SIRPB2: variants seen among roughly 807,000 people sequenced by gnomAD.
SIRPB2 encodes signal-regulatory protein beta-2.
A neutral mutation model predicts 27.1 loss-of-function variants in SIRPB2; 18 were observed. That is an observed-to-expected ratio of 0.66 (90% CI 0.46 to 0.98). The LOEUF (loss-of-function observed/expected upper bound fraction) is 0.98, where lower values mean the gene tolerates loss of function less well. Among genes scored for constraint, SIRPB2 ranks in the 50% least tolerant of loss-of-function variants. The probability of loss-of-function intolerance (pLI) is 0.00; values close to 1 mark genes in which losing one functional copy is unlikely to be tolerated. For missense variants in SIRPB2, 420 were observed against 417.4 expected, an observed-to-expected ratio of 1.01 and a Z score of -0.06; for synonymous variants, 150 against 164.6, an observed-to-expected ratio of 0.91 and a Z score of 0.68.
At chr20:1,478,650 TC>T (rs1289752262) in intron 2 of SIRPB2, 43 bp from the exon 3 acceptor site, 1 of 1,466,180 alleles carries the variant, frequency 6.8e-7, no homozygotes, top group Non-Finnish European at 9.2e-7. Context: ...CCTCTCCTCT[TC>T]CATCGTTCAC....
At chr20:1,471,491 A>T (rs1385676177), downstream of SIRPB2, among the ~76,000 whole-genome samples, 2 of 152,238 alleles carry the variant, frequency 1.3e-5, no homozygotes, top group African/African-American at 2.4e-5. Context: ...TATAACTCAA[A>T]TGTTGAGTCA....
downstream of SIRPB2, among the ~76,000 whole-genome samples, chr20:1,471,582 C>T (rs2090581282): frequency 6.6e-6 from 1 of 152,194 alleles, no homozygotes; most frequent in Non-Finnish European, 1.5e-5. Flanking sequence ...ATGTGCTTGA[C>T]TAGGCCTGGC....
chr20:1,491,401 T>C lies in SIRPB2; in HGVS notation c.-42A>G. On this transcript the variant is annotated 5_prime_UTR_variant, in exon 1 of 5. Coordinates refer to ENST00000359801, the MANE Select transcript of SIRPB2 (RefSeq NM_001122962.2). ...CCCAAGACTTGGGGCTCCTCTGCTC[T>C]CTTGTGAGTGTTGGAGTCTGAGGCG... 1 of 1,566,044 alleles carries C rather than the reference T, an allele frequency of 6.4e-7. No individual in the cohort carries two copies. The highest frequency in any genetic ancestry group is 2.4e-5 in the East Asian group (1 of 42,460).
chr20:1,491,265 C>T lies in SIRPB2; in HGVS notation c.85+10G>A, dbSNP rs201303924. ...GGGGTGGACCCTGTTCTATCCTAGA[C>T]CCCACTTACCTGAGGGGACAAGGAC... On this transcript the variant is annotated intron_variant, in intron 1 of 4. Coordinates refer to ENST00000359801, the MANE Select transcript of SIRPB2 (RefSeq NM_001122962.2). The T allele has an allele frequency of 1.2e-6, 2 of 1,608,326 alleles. No individual in the cohort carries two copies. The highest frequency in any genetic ancestry group is 4.5e-5 in the East Asian group (2 of 44,544).
Position 1,491,340 on chromosome 20 carries a change from G to A in SIRPB2, c.20C>T (p.Ala7Val). 1 of 1,610,128 alleles carries A rather than the reference G, an allele frequency of 6.2e-7. No homozygotes were observed. Among genetic ancestry groups the A allele is most frequent in the Non-Finnish European group, 8.5e-7 (1 of 1,178,624 alleles). ...AGGCAAGTGGGCCAGGCAGGTGGGGGCCGACATCGTGGAGCACATGGCATC... is the reference window on the plus strand; with the variant it reads ...AGGCAAGTGGGCCAGGCAGGTGGGGACCGACATCGTGGAGCACATGGCATC... Reference protein sequence around the residue: MCSTMSAPTCLAHLPPC... With the variant: MCSTMSVPTCLAHLPPC... Residue 7 changes from alanine to valine, a missense_variant, in exon 1 of 5, where the codon GCC (alanine) becomes GTC (valine). Ala to Val is a moderately conservative substitution (Grantham distance 64). Transcript: ENST00000359801.
downstream of SIRPB2, among the ~76,000 whole-genome samples, chr20:1,474,070 T>C (rs1286194277): frequency 6.6e-6 from 1 of 152,134 alleles, no homozygotes; most frequent in African/African-American, 2.4e-5. Context: ...TGTGGTCACA[T>C]TGCTTTCTCT....
chr20:1,490,043 A>G (rs1271749342), intron 1 of SIRPB2, among the ~76,000 whole-genome samples: 1 of 152,166 alleles, frequency 6.6e-6, no homozygotes, highest in Non-Finnish European at 1.5e-5. Flanking sequence ...GGTTTAAGCA[A>G]CTTCTCTTAT....
chr20:1,478,018 A>C lies in SIRPB2; in HGVS notation c.793+248T>G, dbSNP rs1036626478. 4 of 636,840 alleles carry C rather than the reference A, an allele frequency of 6.3e-6. No individual in the cohort carries two copies. The African/African-American group carries it at 7.2e-5, about 11-fold the overall frequency. The allele number at this position is 636,840 out of a possible 1,614,324, so 39.4% of individuals were successfully genotyped here. A position where few individuals can be genotyped will look rare whatever the true frequency, so the allele number is the denominator to read the frequency against. ...ATGATCTATACAGAGTTCTGTGGAA[A>C]CCAGAATGGGGAGAAATTAACTCTG... On this transcript the variant is annotated intron_variant, in intron 3 of 4. Coordinates refer to ENST00000359801, the MANE Select transcript of SIRPB2 (RefSeq NM_001122962.2).
At chr20:1,477,444 T>C (rs1205999389) in intron 3 of SIRPB2, 41 bp from the exon 4 acceptor site, 2 of 1,578,126 alleles carry the variant, frequency 1.3e-6, no homozygotes, top group African/African-American at 1.4e-5. Context: ...CCTTTATCTT[T>C]ATCTCCCACC....
chr20:1,488,949 C>G (rs2090752602), intron 1 of SIRPB2, among the ~76,000 whole-genome samples: 2 of 152,100 alleles, frequency 1.3e-5, no homozygotes. Context: ...TATAATAGCC[C>G]TAAACTGCAA....
chr20:1,478,582 C>A lies in SIRPB2; in HGVS notation c.477G>T (p.Leu159=). Residue 159 remains leucine (L), a synonymous_variant, in exon 3 of 5, where the codon CTG becomes CTT. Transcript: ENST00000359801. ...VKGAGDPEPD[L]WIIQPQELVL... ...CCAATTCCTGGGGCTGGATGATCCA[C>A]AGGTCTGGTTCAGGGTCCCCAGCTC... 6.3e-7 allele frequency: 1 copy of A among 1,597,412 alleles called. No homozygotes were observed. The highest frequency in any genetic ancestry group is 8.6e-7 in the Non-Finnish European group (1 of 1,168,280).
In SIRPB2 at chr20:1,475,781, T is replaced by TATCATGCAAAAA; in HGVS notation, c.*385_*386insTTTTTGCATGAT. The TATCATGCAAAAA allele has an allele frequency of 7.3e-6, 1 of 137,440 alleles. No individual in the cohort carries two copies. The highest frequency in any genetic ancestry group is 1.8e-4 in the South Asian group (1 of 5,616). 8.5% of individuals were successfully genotyped at this position (137,440 alleles called of 1,614,324 possible). A position where few individuals can be genotyped will look rare whatever the true frequency, so the allele number is the denominator to read the frequency against. ...GAGGGGCACAGATGGTCTGGCTGGT[T>TATCATGCAAAAA]GAGTTCAGAGATTCTTACAGACATC... On this transcript the variant is annotated 3_prime_UTR_variant, in exon 5 of 5. Coordinates refer to ENST00000359801, the MANE Select transcript of SIRPB2 (RefSeq NM_001122962.2).
intron 4 of SIRPB2, chr20:1,476,687 C>T: frequency 9.5e-7 from 1 of 1,049,124 alleles, no homozygotes; most frequent in Non-Finnish European, 1.2e-6. Flanking sequence ...TTCTCAGGGC[C>T]ACATGTGTTA....
chr20:1,488,844 A>AT (rs2090751823), intron 1 of SIRPB2, among the ~76,000 whole-genome samples: 1 of 152,232 alleles, frequency 6.6e-6, no homozygotes, highest in Admixed American at 6.5e-5. Flanking sequence ...TATGGCAACC[A>AT]TATGATCCAT....
At position 1,479,764 on chromosome 20, in the gene SIRPB2, C is replaced by G. The variant is rs1021635661; in HGVS notation, c.387G>C (p.Arg129Ser). The G allele has an allele frequency of 6.2e-6, 10 of 1,614,118 alleles. No homozygotes were observed. The highest frequency in any genetic ancestry group is 8.5e-6 in the Non-Finnish European group (10 of 1,180,040). ...CTGAGTGTTCACTCAAACCATCAAA[C>G]CTCACACAGTGGTAGGTTCCAGTGT... The part of the protein sequence containing the change: ...REHTGTYHCV[R>S]FDGLSEHSEM... Residue 129 changes from arginine to serine, a missense_variant, in exon 2 of 5, where the codon AGG becomes AGC. Coordinates refer to ENST00000359801, the MANE Select transcript of SIRPB2 (RefSeq NM_001122962.2).
downstream of SIRPB2, chr20:1,472,913 C>A (rs770968591): frequency 4.6e-5 from 7 of 152,238 alleles, no homozygotes; most frequent in Non-Finnish European, 7.3e-5. Flanking sequence ...GTTCCTTGTA[C>A]TTTTCAGCTC....
At position 1,475,939 on chromosome 20, in the gene SIRPB2, A is replaced by G; in HGVS notation, c.*228T>C. The stretch of plus-strand genomic sequence containing the variant: ...TGAGGAGAGACTGAGCCAGGGACTG[A>G]AAAGCAAGGAGGTCTTGAACAGGCC... On this transcript the variant is annotated 3_prime_UTR_variant, in exon 5 of 5. Transcript: ENST00000359801. 1 of 495,236 alleles carries G rather than the reference A, an allele frequency of 2.0e-6. No homozygotes were observed. The highest frequency in any genetic ancestry group is 3.8e-5 in the Admixed American group (1 of 26,344). The allele number at this position is 495,236 out of a possible 1,614,324, so 30.7% of individuals were successfully genotyped here.
intron 3 of SIRPB2, chr20:1,478,012 G>A (rs2090623676): frequency 4.8e-6 from 3 of 627,438 alleles, no homozygotes; most frequent in Non-Finnish European, 8.9e-6. Flanking sequence ...ACAGAGTTCT[G>A]TGGAAACCAG....
chr20:1,484,093 G>A (rs111497241), intron 1 of SIRPB2, among the ~76,000 whole-genome samples: 1 of 152,262 alleles, frequency 6.6e-6, no homozygotes, highest in African/African-American at 2.4e-5. Context: ...TTTGGCAAAG[G>A]TATCAAGAAT....
Sources: allele counts gnomAD v4.1 joint callset (sites outside exome capture counted in the v4.1 genomes callset), GRCh38; gene constraint gnomAD v4.1.1; transcripts MANE v1.5; gene names NCBI Gene and HGNC (gene_info 2026-07-23, HGNC 2026-07-21).